The following GPAT3 variants were observed in gnomAD, a reference collection of about 807,000 sequenced individuals.
GPAT3 encodes the protein glycerol-3-phosphate acyltransferase 3, also known as 1-AGP acyltransferase 9.
In GPAT3, 53 loss-of-function variants were observed where a neutral mutation model predicts 58.8. The observed-to-expected ratio is 0.90, with a 90% CI of 0.72 to 1.13. The LOEUF is 1.13. Ranked by LOEUF, GPAT3 falls within the 50% of genes most tolerant of loss-of-function variation. The pLI is 0.00. For synonymous variants in GPAT3, 197 were observed against 187.4 expected, an observed-to-expected ratio of 1.05 and a Z score of -0.42; for missense variants, 511 against 527.6, an observed-to-expected ratio of 0.97 and a Z score of 0.31.
rs1474221472 is a variant in GPAT3, at chr4:83,536,703, C to G, written c.81C>G (p.Val27=). 1.2e-6 allele frequency: 2 copies of G among 1,613,130 alleles called. No homozygotes were observed. The highest frequency in any genetic ancestry group is 2.7e-5 in the African/African-American group (2 of 74,844). Residue 27 remains valine (V), a synonymous_variant, in exon 1 of 12, where the codon GTC becomes GTG. Coordinates refer to ENST00000264409, the MANE Select transcript of GPAT3 (RefSeq NM_032717.5). ...LVLGFILLPS[V]FGVSLGISEI... is the part of the protein sequence containing the mutation. ...TCGGCTTCATCCTTTTACCTTCGGT[C>G]TTCGGAGTGTCTCTGGGCATCTCCG... is the stretch of plus-strand genomic sequence containing the variant.
chr4:83,589,008 A>G (rs1209131879), intron 5 of GPAT3, among the ~76,000 whole-genome samples: 1 of 152,174 alleles, frequency 6.6e-6, no homozygotes, highest in African/African-American at 2.4e-5. Flanking sequence ...TCTCATTTGT[A>G]GAAGGGAAAC....
At chr4:83,579,106 C>CTTTCTTT (rs1726001547) in intron 2 of GPAT3, among the ~76,000 whole-genome samples, 2 of 113,752 alleles carry the variant, frequency 1.8e-5, no homozygotes, top group Non-Finnish European at 3.8e-5. Context: ...TTCCTTCCTT[C>CTTTCTTT]CTTCCTTCCT....
At chr4:83,543,281 C>T (rs1245753350) in intron 1 of GPAT3, among the ~76,000 whole-genome samples, 1 of 151,996 alleles carries the variant, frequency 6.6e-6, no homozygotes, top group Non-Finnish European at 1.5e-5. Flanking sequence ...TTGTCTCTGC[C>T]CCTTCAAGGG....
chr4:83,562,663 T>C (rs1725220489), intron 2 of GPAT3, among the ~76,000 whole-genome samples: 1 of 151,484 alleles, frequency 6.6e-6, no homozygotes, highest in Non-Finnish European at 1.5e-5. Context: ...TCACAGAAAA[T>C]GAAAGACATT....
rs1560620996 is a variant in GPAT3 at position 83,579,041 on chromosome 4, T to TCC, written c.209-2520_209-2519insCC. ...CCCTTTCTTTCTTTCTTTCTTTCTT[T>TCC]CTTTCTTTCTTTCTTTCTTTCTTTC... On this transcript the variant is annotated intron_variant, in intron 2 of 11. Transcript: ENST00000264409. 3.6e-3 allele frequency among the ~76,000 whole-genome samples: 104 copies of TCC among 28,532 alleles called. 13 individuals are homozygous for TCC. Among genetic ancestry groups the TCC allele is most frequent in the South Asian group, 7.6e-3 (5 of 662 alleles). 18.7% of individuals were successfully genotyped at this position (28,532 alleles called of 152,430 possible).
At chr4:83,561,840 C>A (rs530929952) in intron 2 of GPAT3, among the ~76,000 whole-genome samples, 1 of 149,236 alleles carries the variant, frequency 6.7e-6, no homozygotes, top group East Asian at 2.0e-4. Flanking sequence ...AATTGCCTTG[C>A]CATTCCATCC....
intron 6 of GPAT3, among the ~76,000 whole-genome samples, chr4:83,590,853 C>G (rs917470116): frequency 2.0e-5 from 3 of 151,104 alleles, no homozygotes; most frequent in African/African-American, 4.9e-5. Context: ...CTCAAAACAG[C>G]CTTTCTTGGG....
chr4:83,571,247 C>T (rs543830686), intron 2 of GPAT3, among the ~76,000 whole-genome samples: 2 of 151,948 alleles, frequency 1.3e-5, no homozygotes, highest in Non-Finnish European at 2.9e-5. Context: ...AGTTTTTAGC[C>T]ATTAGGAATA....
intron 2 of GPAT3, among the ~76,000 whole-genome samples, chr4:83,545,661 A>G (rs1273332485): frequency 6.6e-6 from 1 of 152,212 alleles, no homozygotes; most frequent in East Asian, 1.9e-4. Context: ...AAACACCCAA[A>G]TATTATCACC....
chr4:83,562,821 G>GATAGATAGAC (rs1725232157), intron 2 of GPAT3, among the ~76,000 whole-genome samples: 1 of 121,758 alleles, frequency 8.2e-6, no homozygotes, highest in South Asian at 2.8e-4. Flanking sequence ...GATAGATAGA[G>GATAGATAGAC]ACTTCTAACT....
At position 83,593,166 on chromosome 4, in the gene GPAT3, C is replaced by CTTTTTTTTTTTTTT. The variant is rs761351611; in HGVS notation, c.739-1675_739-1662dup. 1.2e-3 allele frequency among the ~76,000 whole-genome samples: 137 copies of CTTTTTTTTTTTTTT among 112,348 alleles called. 5 individuals carry two copies. The highest frequency in any genetic ancestry group is 0.013 in the Middle Eastern group (2 of 160). 73.7% of individuals were successfully genotyped at this position (112,348 alleles called of 152,430 possible). A position where few individuals can be genotyped will look rare whatever the true frequency, so the allele number is the denominator to read the frequency against. ...ACAGGTGTGAGCCACCGAGCCAGGA[C>CTTTTTTTTTTTTTT]TTTTTTTTTTTTTTTTTAAACATAG... On this transcript the variant is annotated intron_variant, in intron 6 of 11. Transcript: ENST00000264409.
chr4:83,538,889 G>A (rs1724194614), intron 1 of GPAT3, among the ~76,000 whole-genome samples: 1 of 152,224 alleles, frequency 6.6e-6, no homozygotes, highest in African/African-American at 2.4e-5. Flanking sequence ...TGTCTGCTGA[G>A]ACTAAGTTAT....
At chr4:83,535,721 C>T (rs1219807580), upstream of GPAT3, 1 of 985,384 alleles carries the variant, frequency 1.0e-6, no homozygotes, top group Middle Eastern at 5.2e-4. Flanking sequence ...TTGAGCCCCA[C>T]AGCTGTAGGC....
intron 3 of GPAT3, 138 bp downstream of exon 3, chr4:83,581,970 C>T: frequency 1.7e-6 from 2 of 1,191,082 alleles, no homozygotes; most frequent in Non-Finnish European, 2.3e-6. Flanking sequence ...AACATGACCT[C>T]TAAAGGAATG....
At position 83,580,313 on chromosome 4, in the gene GPAT3, T is replaced by C. The variant is rs180961801; in HGVS notation, c.209-1249T>C. 8.5e-5 allele frequency among the ~76,000 whole-genome samples: 13 copies of C among 152,360 alleles called. No individual in the cohort carries two copies. The East Asian group carries it at 2.5e-3, about 29-fold the overall frequency. On this transcript the variant is annotated intron_variant, in intron 2 of 11. Coordinates refer to ENST00000264409, the MANE Select transcript of GPAT3 (RefSeq NM_032717.5). ...TGTTTTCATTTTTACATTTTTTCTATGTATATGTATTTCATAGAGTGAAAC... is the reference window on the plus strand; with the variant it reads ...TGTTTTCATTTTTACATTTTTTCTACGTATATGTATTTCATAGAGTGAAAC...
intron 1 of GPAT3, 30 bp from the exon 2 acceptor site, chr4:83,544,506 T>C (rs1374500712): frequency 2.0e-5 from 32 of 1,605,008 alleles, no homozygotes; most frequent in Non-Finnish European, 2.6e-5. Context: ...TGTGGGACAG[T>C]TTAAATTAAT....
chr4:83,552,417 G>C (rs928819189), intron 2 of GPAT3, among the ~76,000 whole-genome samples: 3 of 152,198 alleles, frequency 2.0e-5, no homozygotes, highest in Non-Finnish European at 4.4e-5. Context: ...ATGCATTAGT[G>C]TATTGGTCCC....
rs1485486522 is a variant in GPAT3 at position 83,598,045 on chromosome 4, T to C, written c.997-6T>C. 1.2e-6 allele frequency: 2 copies of C among 1,613,298 alleles called. No homozygotes were observed. Among genetic ancestry groups the C allele is most frequent in the East Asian group, 2.2e-5 (1 of 44,832 alleles). On this transcript the variant is annotated splice_polypyrimidine_tract_variant and splice_region_variant and intron_variant, in intron 9 of 11. Transcript: ENST00000264409. ...CATAACTGAGATGTATTTTCTTTTTTCTCAGTATAACCCTCAGTTCGGTGA... is the reference window on the plus strand; with the variant it reads ...CATAACTGAGATGTATTTTCTTTTTCCTCAGTATAACCCTCAGTTCGGTGA...
intron 6 of GPAT3, among the ~76,000 whole-genome samples, chr4:83,593,337 G>T (rs1488971577): frequency 6.6e-6 from 1 of 150,724 alleles, no homozygotes; most frequent in Non-Finnish European, 1.5e-5. Context: ...GCTAATTTTT[G>T]TAGTTTGTAG....
Sources: allele counts gnomAD v4.1 joint callset (sites outside exome capture counted in the v4.1 genomes callset), GRCh38; gene constraint gnomAD v4.1.1; transcripts MANE v1.5; gene names NCBI Gene and HGNC (gene_info 2026-07-23, HGNC 2026-07-21).